The following RNF44 variants were observed in gnomAD, a reference collection of about 807,000 sequenced individuals.
RNF44 encodes ring finger protein 44.
In RNF44, 25 loss-of-function variants were observed where a neutral mutation model predicts 53.6. The ratio of observed to expected loss-of-function variants is 0.47; its 90% CI spans 0.34 to 0.65. The LOEUF (loss-of-function observed/expected upper bound fraction) is 0.65. RNF44 is among the 30% of genes least tolerant of loss of function. The pLI is 0.01. For synonymous variants in RNF44, 282 were observed against 252.2 expected (o/e 1.12, Z -1.12); for missense variants, 581 against 595.5 (o/e 0.98, Z 0.25).
At chr5:176,543,510 G>C in the RNF44 span, 2 of 152,102 alleles carry the variant, frequency 1.3e-5, no homozygotes, top group Admixed American at 6.5e-5. The surrounding 1 kb of genome is among the most constrained non-coding windows in gnomAD (Gnocchi z 4.0). Context: ...GTGCGGGGCG[G>C]AGCCTCTTTC....
rs1756593969 is a variant in RNF44 at position 176,530,902 on chromosome 5, G to T, written c.585C>A (p.Thr195=). Residue 195 remains threonine (T), a synonymous_variant, in exon 5 of 11, where the codon ACC becomes ACA. Coordinates refer to ENST00000274811, the MANE Select transcript of RNF44 (RefSeq NM_014901.5). ...CAAACTGCCCCAGGGGCGCCATGTGGGTGGGCTGGGGGGGTGGGGCCGGTG... is the reference window on the plus strand; with the variant it reads ...CAAACTGCCCCAGGGGCGCCATGTGTGTGGGCTGGGGGGGTGGGGCCGGTG... ...PPPPAPPPQP[T]HMAPLGQFVS... 5 of 1,405,172 alleles carry T rather than the reference G, an allele frequency of 3.6e-6. No individual in the cohort carries two copies. Among genetic ancestry groups the T allele is most frequent in the Non-Finnish European group, 4.7e-6 (5 of 1,074,228 alleles). The allele number at this position is 1,405,172 out of a possible 1,614,324, so 87.0% of individuals were successfully genotyped here.
chr5:176,529,452 C>T, intron 9 of RNF44, 65 bp from the exon 10 acceptor site: 3 of 1,606,056 alleles, frequency 1.9e-6, no homozygotes, highest in Non-Finnish European at 2.6e-6. Flanking sequence ...TGGAGTGTGA[C>T]TCCCCTGAGA....
chr5:176,534,757 C>T (rs1317103151), intron 1 of RNF44, among the ~76,000 whole-genome samples: 1 of 152,236 alleles, frequency 6.6e-6, no homozygotes, highest in Non-Finnish European at 1.5e-5. Flanking sequence ...TTGGTGAGTC[C>T]TCCCAGCAAC....
chr5:176,536,765 CA>C (rs1434168368), intron 1 of RNF44, among the ~76,000 whole-genome samples, 174 bp downstream of exon 1: 1 of 149,058 alleles, frequency 6.7e-6, no homozygotes, highest in Non-Finnish European at 1.5e-5. Context: ...ACGGCCCGGC[CA>C]CGGGGGGCCT....
upstream of RNF44, among the ~76,000 whole-genome samples, chr5:176,539,388 A>G (rs998991166): frequency 6.6e-6 from 1 of 152,172 alleles, no homozygotes; most frequent in African/African-American, 2.4e-5. Flanking sequence ...ACATAAAAGC[A>G]ATTTGAAAAC....
chr5:176,534,482 G>A (rs1199524993), intron 1 of RNF44, among the ~76,000 whole-genome samples: 1 of 152,202 alleles, frequency 6.6e-6, no homozygotes, highest in Non-Finnish European at 1.5e-5. Flanking sequence ...AACCAGCCAA[G>A]CAAACAACGG....
intron 6 of RNF44, 45 bp from the exon 7 acceptor site, chr5:176,530,251 C>T (rs1756459507): frequency 1.1e-6 from 1 of 948,456 alleles, no homozygotes; most frequent in African/African-American, 2.7e-5. Flanking sequence ...GGCCTGCCTC[C>T]CAGCCGCCCC....
intron 1 of RNF44, 141 bp from the exon 2 acceptor site, chr5:176,532,657 C>T (rs771427771): frequency 8.2e-5 from 49 of 595,534 alleles, no homozygotes; most frequent in Non-Finnish European, 1.1e-4. Flanking sequence ...GCATGAGAAT[C>T]GCTTGAACCC....
chr5:176,531,580 G>C lies in RNF44; in HGVS notation c.348C>G (p.Thr116=). ...GGCCTGTAGGCAAGGGGAAGCCTTG[G>C]GTCGTCACTGTGGTGACCGTGTAGG... is the stretch of plus-strand genomic sequence containing the variant. ...PLSYTVTTVT[T]QGFPLPTGQH... Residue 116 remains threonine (T), a synonymous_variant, in exon 4 of 11, where the codon ACC becomes ACG. Coordinates refer to ENST00000274811, the MANE Select transcript of RNF44 (RefSeq NM_014901.5). The surrounding 1 kb of genome is among the most constrained non-coding windows in gnomAD (Gnocchi z 4.2). 1 of 1,613,566 alleles carries C rather than the reference G, an allele frequency of 6.2e-7. No individual in the cohort carries two copies. Among genetic ancestry groups the C allele is most frequent in the Non-Finnish European group, 8.5e-7 (1 of 1,179,836 alleles).
chr5:176,538,441 G>A (rs1167136699), upstream of RNF44, among the ~76,000 whole-genome samples: 5 of 152,014 alleles, frequency 3.3e-5, no homozygotes, highest in Non-Finnish European at 2.9e-5. Context: ...CCACCCACCC[G>A]GGCAAAATTT....
At position 176,532,200 on chromosome 5, in the gene RNF44, C is replaced by T; in HGVS notation, c.108-7G>A. ...GGGGCCCTCGAGGCCAGGGCTGCAC[C>T]ACAGAGAGGAGGCCCCGATAGGACT... On this transcript the variant is annotated splice_region_variant and splice_polypyrimidine_tract_variant and intron_variant, in intron 2 of 10. Transcript: ENST00000274811. The T allele has an allele frequency of 1.3e-6, 2 of 1,507,790 alleles. No individual in the cohort carries two copies. Among genetic ancestry groups the T allele is most frequent in the Non-Finnish European group, 1.8e-6 (2 of 1,129,380 alleles). 93.4% of individuals were successfully genotyped at this position (1,507,790 alleles called of 1,614,324 possible).
chr5:176,531,104 C>A lies in RNF44; in HGVS notation c.466-83G>T. On this transcript the variant is annotated intron_variant, in intron 4 of 10. Transcript: ENST00000274811. This position sits in a 1 kb window ranked among gnomAD's most constrained non-coding sequence, Gnocchi z 4.2. ...ACGCCATGCCACCCAGCAAAAGGCC[C>A]CCACCGGGCACACACCCAGCAGCTC... 2.9e-6 allele frequency: 3 copies of A among 1,031,284 alleles called. No homozygotes were observed. The highest frequency in any genetic ancestry group is 2.7e-6 in the Non-Finnish European group (2 of 752,738). The allele number at this position is 1,031,284 out of a possible 1,614,324, so 63.9% of individuals were successfully genotyped here.
intron 1 of RNF44, among the ~76,000 whole-genome samples, chr5:176,535,008 C>T (rs537646682): frequency 6.6e-6 from 1 of 152,176 alleles, no homozygotes; most frequent in African/African-American, 2.4e-5. Context: ...TGTGGCCAGC[C>T]CCCTACAAAG....
At chr5:176,529,213 G>C in intron 10 of RNF44, 75 bp downstream of exon 10, 1 of 1,556,942 alleles carries the variant, frequency 6.4e-7, no homozygotes, top group African/African-American at 1.4e-5. Context: ...AGGACAAGGA[G>C]GGAAACAGCC....
At chr5:176,543,153 G>A in the RNF44 span, among the ~76,000 whole-genome samples, 1 of 150,784 alleles carries the variant, frequency 6.6e-6, no homozygotes, top group Admixed American at 6.6e-5. The surrounding 1 kb of genome is among the most constrained non-coding windows in gnomAD (Gnocchi z 4.0). Context: ...GGCCTGGCGG[G>A]AAGACCCCGC....
chr5:176,530,928 G>A lies in RNF44; in HGVS notation c.559C>T (p.Pro187Ser). Residue 187 changes from proline (P) to serine (S), a missense_variant, in exon 5 of 11, where the codon CCA (proline) becomes TCA (serine). By Grantham distance (74) the Pro-to-Ser change is moderately conservative. This residue lies in a region of RNF44 where 387 missense variants were observed against 366.0 expected (regional missense o/e 1.06). Coordinates refer to ENST00000274811, the MANE Select transcript of RNF44 (RefSeq NM_014901.5). ...SSDHYILHPP[P>S]PAPPPQPTHM... ...GTGGGCTGGGGGGGTGGGGCCGGTGGTGGGGGGTGCAGGATGTAGTGGTCA... is the reference window on the plus strand; with the variant it reads ...GTGGGCTGGGGGGGTGGGGCCGGTGATGGGGGGTGCAGGATGTAGTGGTCA... 7.0e-7 allele frequency: 1 copy of A among 1,419,792 alleles called. No homozygotes were observed. The highest frequency in any genetic ancestry group is 9.3e-7 in the Non-Finnish European group (1 of 1,075,172). The allele number at this position is 1,419,792 out of a possible 1,614,324, so 87.9% of individuals were successfully genotyped here.
At position 176,531,104 on chromosome 5, in the gene RNF44, C is replaced by G. The variant is rs1203530817; in HGVS notation, c.466-83G>C. ...ACGCCATGCCACCCAGCAAAAGGCC[C>G]CCACCGGGCACACACCCAGCAGCTC... On this transcript the variant is annotated intron_variant, in intron 4 of 10. Transcript: ENST00000274811. The surrounding 1 kb of genome is among the most constrained non-coding windows in gnomAD (Gnocchi z 4.2). The G allele has an allele frequency of 9.7e-7, 1 of 1,031,166 alleles. No individual in the cohort carries two copies. The highest frequency in any genetic ancestry group is 1.3e-6 in the Non-Finnish European group (1 of 752,746). The allele number at this position is 1,031,166 out of a possible 1,614,324, so 63.9% of individuals were successfully genotyped here.
chr5:176,529,270 A>C lies in RNF44; in HGVS notation c.1236+18T>G, dbSNP rs890835. ...CACTGCATGAGGAATACCCAGGAGC[A>C]GACCTGGGCAGTGTTACCTTCAACC... On this transcript the variant is annotated intron_variant, in intron 10 of 10. Transcript: ENST00000274811. 1,413,853 of 1,608,772 alleles carry C rather than the reference A, an allele frequency of 0.88. 623,582 individuals are homozygous for C. The highest frequency in any genetic ancestry group is 0.97 in the African/African-American group (72,969 of 74,992).
chr5:176,530,893 C>T lies in RNF44; in HGVS notation c.594G>A (p.Ala198=), dbSNP rs200163645. The T allele has an allele frequency of 2.2e-4, 150 of 693,432 alleles. No individual in the cohort carries two copies. Among genetic ancestry groups the T allele is most frequent in the African/African-American group, 1.5e-3 (70 of 47,606 alleles). The allele number at this position is 693,432 out of a possible 1,614,324, so 43.0% of individuals were successfully genotyped here. The change falls in exon 5 of 11, where the codon GCG becomes GCA. Residue 198 remains alanine, a synonymous_variant. Transcript: ENST00000274811. ...GCAGAGACACAAACTGCCCCAGGGG[C>T]GCCATGTGGGTGGGCTGGGGGGGTG... The part of the protein sequence containing the change: ...PAPPPQPTHM[A]PLGQFVSLQT...
Sources: gnomAD v4.1 joint callset for allele counts (sites outside exome capture counted in the v4.1 genomes callset) on GRCh38, gnomAD v4.1.1 for gene constraint, gnomAD v4.1.1 regional missense constraint, Gnocchi (gnomAD v3.1) non-coding constraint, MANE v1.5 for transcripts, NCBI Gene and HGNC (gene_info 2026-07-23, HGNC 2026-07-21) for gene names.